Variants in IL33 observed in about 807,000 individuals in gnomAD.
The protein encoded by IL33 is interleukin-33.
In IL33, 37 loss-of-function variants were observed where a neutral mutation model predicts 27.3. That is an observed-to-expected ratio of 1.36 (90% CI 1.04 to 1.78). The LOEUF (loss-of-function observed/expected upper bound fraction) is 1.78. Ranked by LOEUF, IL33 falls within the 40% of genes most tolerant of loss-of-function variation. IL33 has a pLI of 0.00. For synonymous variants in IL33, 132 were observed against 102.9 expected (o/e 1.28, Z -1.71); for missense variants, 406 against 311.4 (o/e 1.30, Z -2.29).
chr9:6,255,262 A>G (rs2130474516), intron 7 of IL33, among the ~76,000 whole-genome samples: 1 of 152,278 alleles, frequency 6.6e-6, no homozygotes, highest in Non-Finnish European at 1.5e-5. Context: ...AAACACAGAA[A>G]AATATAAAGC....
chr9:6,241,776 A>C lies in IL33; in HGVS notation c.82A>C (p.Lys28Gln), dbSNP rs753806663. 2 of 1,609,000 alleles carry C rather than the reference A, an allele frequency of 1.2e-6. No individual in the cohort carries two copies. The highest frequency in any genetic ancestry group is 1.7e-6 in the Non-Finnish European group (2 of 1,176,952). ...CACAGCAAGCAAAGCCTTGTGTTTCAAGCTGGGAAGTAAGGACTTAAGTTA... is the reference window on the plus strand; with the variant it reads ...CACAGCAAGCAAAGCCTTGTGTTTCCAGCTGGGAAGTAAGGACTTAAGTTA... ...KNTASKALCF[K>Q]LGKSQQKAKE... The change falls in exon 2 of 8, where the codon AAG becomes CAG. Residue 28 changes from lysine to glutamine, a missense_variant. By Grantham distance (53) the Lys-to-Gln change is moderately conservative (BLOSUM62 1). Transcript: ENST00000682010.
At chr9:6,228,913 C>A (rs371618301) in intron 1 of IL33, among the ~76,000 whole-genome samples, 529 of 144,542 alleles carry the variant, frequency 3.7e-3, no homozygotes, top group African/African-American at 0.01. Context: ...AAACAAAAAA[C>A]CAAAAAATGC....
chr9:6,237,306 G>T (rs1242588716), intron 1 of IL33, among the ~76,000 whole-genome samples: 1 of 152,200 alleles, frequency 6.6e-6, no homozygotes, highest in Non-Finnish European at 1.5e-5. Flanking sequence ...GGTGAAAAGA[G>T]TGATCAAGGC....
chr9:6,243,165 A>G (rs1292224303), intron 2 of IL33, among the ~76,000 whole-genome samples: 1 of 152,158 alleles, frequency 6.6e-6, no homozygotes, highest in African/African-American at 2.4e-5. Context: ...CAAACCAACC[A>G]AAGCCAAACC....
chr9:6,218,760 A>G (rs1489202933), intron 1 of IL33, among the ~76,000 whole-genome samples: 5 of 122,616 alleles, frequency 4.1e-5, no homozygotes, highest in Non-Finnish European at 7.0e-5. Context: ...ATATATATAT[A>G]TGTTCTCCAT....
At chr9:6,222,106 G>A (rs140765370) in intron 1 of IL33, among the ~76,000 whole-genome samples, 7 of 152,332 alleles carry the variant, frequency 4.6e-5, no homozygotes, top group Non-Finnish European at 1.0e-4. Context: ...GCACAAGGCA[G>A]TTCTGTTAAA....
intron 1 of IL33, among the ~76,000 whole-genome samples, chr9:6,223,731 A>T (rs536783230): frequency 2.0e-5 from 3 of 152,206 alleles, no homozygotes; most frequent in Non-Finnish European, 4.4e-5. Flanking sequence ...ATCACTTGAT[A>T]TACTTTTAGC....
At chr9:6,251,012 C>T (rs1317230) in intron 3 of IL33, 128 bp from the exon 4 acceptor site, 1 of 1,209,676 alleles carries the variant, frequency 8.3e-7, no homozygotes, top group Non-Finnish European at 1.1e-6. Context: ...TCCCTTTGGA[C>T]CATGAAGTGG....
chr9:6,256,481 A>G lies in IL33; in HGVS notation c.*313A>G, dbSNP rs1391569072. 2.4e-6 allele frequency: 1 copy of G among 424,246 alleles called. No homozygotes were observed. The highest frequency in any genetic ancestry group is 4.2e-6 in the Non-Finnish European group (1 of 240,612). The allele number at this position is 424,246 out of a possible 1,614,324, so 26.3% of individuals were successfully genotyped here. ...CTAGTTTCAGTCCAGAAAGAACTTC[A>G]TATTTAGAGCTAAGGCCACTGAGGA... On this transcript the variant is annotated 3_prime_UTR_variant, in exon 8 of 8. Transcript: ENST00000682010.
rs759352694 is a variant in IL33 at position 6,252,890 on chromosome 9, T to C, written c.368T>C (p.Leu123Pro). The change falls in exon 5 of 8, where the codon CTT becomes CCT. Residue 123 changes from leucine (L) to proline (P), a missense_variant. Leu to Pro is a moderately conservative substitution (Grantham distance 98). Transcript: ENST00000682010. The stretch of plus-strand genomic sequence containing the variant: ...GGAATTTCACCTATTACAGAGTATC[T>C]TGCTTCTCTAAGCACATACAATGAT... ...ITGISPITEYLASLSTYNDQS... is the reference protein window; with the variant it reads ...ITGISPITEYPASLSTYNDQS... The C allele has an allele frequency of 1.1e-5, 17 of 1,609,622 alleles. No homozygotes were observed. Among genetic ancestry groups the C allele is most frequent in the Non-Finnish European group, 8.5e-7 (1 of 1,177,958 alleles).
chr9:6,239,797 G>A (rs545651846), intron 1 of IL33, among the ~76,000 whole-genome samples: 2 of 151,964 alleles, frequency 1.3e-5, no homozygotes, highest in Non-Finnish European at 2.9e-5. Context: ...TATTCAACTA[G>A]CCTCACTAGT....
intron 1 of IL33, among the ~76,000 whole-genome samples, chr9:6,226,572 T>C (rs1212257818): frequency 6.6e-6 from 1 of 151,938 alleles, no homozygotes; most frequent in East Asian, 1.9e-4. Flanking sequence ...ATATGTTCTC[T>C]AGGTCACTGA....
intron 1 of IL33, among the ~76,000 whole-genome samples, chr9:6,224,346 G>C (rs1355913030): frequency 6.6e-6 from 1 of 152,046 alleles, no homozygotes; most frequent in African/African-American, 2.4e-5. Context: ...ACCCAAATTA[G>C]CCTGCTTTTC....
intron 4 of IL33, among the ~76,000 whole-genome samples, chr9:6,251,742 A>T (rs1816373270): frequency 6.6e-6 from 1 of 151,858 alleles, no homozygotes; most frequent in African/African-American, 2.4e-5. Flanking sequence ...AGAGATCATC[A>T]TTAAAAAAAA....
intron 1 of IL33, among the ~76,000 whole-genome samples, chr9:6,234,220 C>G (rs895574467): frequency 6.6e-6 from 1 of 152,236 alleles, no homozygotes; most frequent in Non-Finnish European, 1.5e-5. Flanking sequence ...CATGCCTTCA[C>G]AAATGAAGAG....
intron 1 of IL33, among the ~76,000 whole-genome samples, chr9:6,241,203 G>C (rs1208630642): frequency 6.6e-6 from 1 of 152,150 alleles, no homozygotes; most frequent in Non-Finnish European, 1.5e-5. Flanking sequence ...TTAATAAGTA[G>C]AAGGAACACA....
chr9:6,219,574 C>T (rs925268491), intron 1 of IL33, among the ~76,000 whole-genome samples: 1 of 152,192 alleles, frequency 6.6e-6, no homozygotes, highest in African/African-American at 2.4e-5. Context: ...CATCATCCAT[C>T]ATTGACCAGC....
At chr9:6,245,823 G>T (rs1490004788) in intron 2 of IL33, among the ~76,000 whole-genome samples, 1 of 152,128 alleles carries the variant, frequency 6.6e-6, no homozygotes, top group Non-Finnish European at 1.5e-5. Context: ...AGAACTTTGG[G>T]AGGCTGAGGC....
chr9:6,245,363 G>A (rs1456060664), intron 2 of IL33, among the ~76,000 whole-genome samples: 1 of 152,208 alleles, frequency 6.6e-6, no homozygotes, highest in Non-Finnish European at 1.5e-5. Flanking sequence ...TAGTTGGCTA[G>A]AACTGAGTAG....
Sources: gnomAD v4.1 joint callset for allele counts (sites outside exome capture counted in the v4.1 genomes callset) on GRCh38, gnomAD v4.1.1 for gene constraint, MANE v1.5 for transcripts, NCBI Gene and HGNC (gene_info 2026-07-23, HGNC 2026-07-21) for gene names.